Variants in ANO3 observed in about 807,000 individuals in gnomAD.
ANO3 encodes anoctamin 3.
Under a neutral mutation model 144.8 loss-of-function variants are expected in ANO3, and 99 were observed. That is an observed-to-expected ratio of 0.68 (90% CI 0.58 to 0.81). The LOEUF is 0.81. ANO3 is among the 30% of genes least tolerant of loss of function. ANO3 has a pLI of 0.00. For missense variants in ANO3, 905 were observed against 1,202.2 expected, an observed-to-expected ratio of 0.75 and a Z score of 3.66; for synonymous variants, 414 against 392.6, an observed-to-expected ratio of 1.05 and a Z score of -0.64.
intron 3 of ANO3, among the ~76,000 whole-genome samples, chr11:26,450,334 C>T (rs1845355): frequency 0.19 from 28,935 of 152,014 alleles, 3,079 homozygotes; most frequent in South Asian, 0.3. Flanking sequence ...ATTTGCTTCC[C>T]TGTGTTGTTC....
intron 1 of ANO3, among the ~76,000 whole-genome samples, chr11:26,346,331 C>G (rs1291231815): frequency 6.6e-6 from 1 of 152,002 alleles, no homozygotes; most frequent in Non-Finnish European, 1.5e-5. Context: ...ATTATAGGGC[C>G]TTATGAAATT....
chr11:26,234,405 G>A (rs1439405592), intron 1 of ANO3, among the ~76,000 whole-genome samples: 2 of 151,976 alleles, frequency 1.3e-5, no homozygotes, highest in Non-Finnish European at 2.9e-5. Flanking sequence ...CACAAATTGC[G>A]ACTTAGACAA....
intron 4 of ANO3, among the ~76,000 whole-genome samples, chr11:26,466,049 C>G (rs764782491): frequency 6.6e-5 from 10 of 151,834 alleles, no homozygotes; most frequent in African/African-American, 2.4e-4. Flanking sequence ...TTGATATCTA[C>G]TATGATGAAG....
intron 19 of ANO3, among the ~76,000 whole-genome samples, 167 bp downstream of exon 19, chr11:26,634,482 T>G (rs530406811): frequency 1.3e-5 from 2 of 152,334 alleles, no homozygotes; most frequent in African/African-American, 4.8e-5. Flanking sequence ...TATGTCTGTT[T>G]CATCATCAGT....
chr11:26,278,751 C>T (rs999147322), intron 1 of ANO3, among the ~76,000 whole-genome samples: 31 of 152,170 alleles, frequency 2.0e-4, no homozygotes, highest in Admixed American at 8.5e-4. Context: ...TCCTCTATCA[C>T]CTTCCCACCT....
chr11:26,484,512 A>G (rs1860365189), intron 4 of ANO3, among the ~76,000 whole-genome samples: 1 of 152,148 alleles, frequency 6.6e-6, no homozygotes, highest in Admixed American at 6.5e-5. Flanking sequence ...CCTAGATTTC[A>G]CAGGATATAT....
intron 1 of ANO3, among the ~76,000 whole-genome samples, chr11:26,237,846 T>C (rs532540876): frequency 6.6e-6 from 1 of 152,062 alleles, no homozygotes; most frequent in African/African-American, 2.4e-5. Context: ...ATCACAAGAG[T>C]TTTTAATCTT....
intron 5 of ANO3, among the ~76,000 whole-genome samples, chr11:26,515,736 T>A (rs369526612): frequency 5.3e-5 from 8 of 152,018 alleles, no homozygotes; most frequent in Non-Finnish European, 1.2e-4. Context: ...AATGGAAATA[T>A]AATGAACAGT....
intron 1 of ANO3, among the ~76,000 whole-genome samples, chr11:26,321,993 A>G (rs1311537321): frequency 6.6e-6 from 1 of 151,906 alleles, no homozygotes; most frequent in Admixed American, 6.6e-5. Flanking sequence ...TCCATTCCTC[A>G]AGCTTTTTTA....
chr11:26,358,421 C>T (rs899152286), intron 1 of ANO3, among the ~76,000 whole-genome samples: 6 of 152,250 alleles, frequency 3.9e-5, no homozygotes, highest in East Asian at 1.9e-4. Context: ...CCACCTGCGT[C>T]GGCCTCCCAA....
At chr11:26,532,116 AGGGT>A (rs1849389604) in intron 8 of ANO3, among the ~76,000 whole-genome samples, 1 of 152,234 alleles carries the variant, frequency 6.6e-6, no homozygotes, top group East Asian at 1.9e-4. Context: ...GGAAGTTGAA[AGGGT>A]GGATGAAACA....
chr11:26,531,179 A>G lies in ANO3; in HGVS notation c.738-26A>G. On this transcript the variant is annotated intron_variant, in intron 7 of 26. Coordinates refer to ENST00000256737, the MANE Select transcript of ANO3 (RefSeq NM_031418.4). ...ATGGCTTTGGAATACAACCTAATCTAGTTCTCAAATGTGACTTCATTCCAG... is the reference window on the plus strand; with the variant it reads ...ATGGCTTTGGAATACAACCTAATCTGGTTCTCAAATGTGACTTCATTCCAG... 3 of 1,613,082 alleles carry G rather than the reference A, an allele frequency of 1.9e-6. 1 individual carries two copies. Among genetic ancestry groups the G allele is most frequent in the South Asian group, 2.2e-5 (2 of 90,970 alleles).
At chr11:26,215,777 T>A (rs936999677) in intron 1 of ANO3, among the ~76,000 whole-genome samples, 1 of 151,994 alleles carries the variant, frequency 6.6e-6, no homozygotes, top group African/African-American at 2.4e-5. Context: ...TGTGAGTTAA[T>A]ACTGATGTAC....
intron 1 of ANO3, 43 bp from the exon 2 acceptor site, chr11:26,441,875 G>A (rs1420424819): frequency 6.7e-7 from 1 of 1,498,220 alleles, no homozygotes; most frequent in South Asian, 1.2e-5. Flanking sequence ...GACCTCTACT[G>A]ATTGATTTTT....
At chr11:26,194,452 G>GTGTATGTGTGTGTGTGTGTGTGTGTA (rs752698297) in intron 1 of ANO3, among the ~76,000 whole-genome samples, 1 of 147,576 alleles carries the variant, frequency 6.8e-6, no homozygotes, top group Non-Finnish European at 1.5e-5. Context: ...GTGTGTGTGT[G>GTGTATGTGTGTGTGTGTGTGTGTGTA]TGTGTGTGTG....
chr11:26,407,076 GTATA>G (rs374806519), intron 1 of ANO3, among the ~76,000 whole-genome samples: 1 of 101,514 alleles, frequency 9.9e-6, no homozygotes, highest in African/African-American at 3.2e-5. Context: ...GTGTGTGTGT[GTATA>G]TATATATATA....
At chr11:26,579,737 G>C (rs751960227) in intron 14 of ANO3, among the ~76,000 whole-genome samples, 1 of 151,974 alleles carries the variant, frequency 6.6e-6, no homozygotes, top group Admixed American at 6.5e-5. Context: ...TTTTTTTCAT[G>C]AAAAAGATCC....
intron 1 of ANO3, among the ~76,000 whole-genome samples, chr11:26,336,140 G>C (rs1233059707): frequency 6.6e-6 from 1 of 152,186 alleles, no homozygotes; most frequent in Non-Finnish European, 1.5e-5. Flanking sequence ...TCTGGGGAAA[G>C]TCCAACTTTC....
At chr11:26,223,267 A>C (rs1348291213) in intron 1 of ANO3, among the ~76,000 whole-genome samples, 2 of 152,176 alleles carry the variant, frequency 1.3e-5, no homozygotes, top group African/African-American at 4.8e-5. Flanking sequence ...AAGGACATGA[A>C]CACGGACAGA....
Sources: allele counts gnomAD v4.1 joint callset (sites outside exome capture counted in the v4.1 genomes callset), GRCh38; gene constraint gnomAD v4.1.1; transcripts MANE v1.5; gene names NCBI Gene and HGNC (gene_info 2026-07-23, HGNC 2026-07-21).